CXorf58: variants seen among roughly 807,000 people sequenced by gnomAD.
The protein encoded by CXorf58 is chromosome X open reading frame 58.
Under a neutral mutation model 26.0 loss-of-function variants are expected in CXorf58, and 24 were observed. The observed-to-expected ratio is 0.92, with a 90% CI of 0.67 to 1.30. The LOEUF is 1.30. Ranked by LOEUF, CXorf58 falls within the 50% of genes most tolerant of loss-of-function variation. CXorf58 has a pLI of 0.00. For missense variants in CXorf58, 236 were observed against 263.9 expected, an observed-to-expected ratio of 0.89 and a Z score of 0.73; for synonymous variants, 87 against 86.1, an observed-to-expected ratio of 1.01 and a Z score of -0.06.
At chrX:23,926,756 C>A (rs747803319) in intron 5 of CXorf58, among the ~76,000 whole-genome samples, 2 of 112,557 alleles carry the variant, frequency 1.8e-5, no homozygotes, top group Non-Finnish European at 3.8e-5. Flanking sequence ...CGCGGTGGCT[C>A]ACGCCTATAA....
At chrX:23,924,542 C>T (rs944703767) in intron 5 of CXorf58, among the ~76,000 whole-genome samples, 3 of 109,401 alleles carry the variant, frequency 2.7e-5, no homozygotes, top group Non-Finnish European at 5.7e-5. Context: ...AGGCTGGAAT[C>T]GAACCCCTGA....
intron 1 of CXorf58, among the ~76,000 whole-genome samples, 178 bp downstream of exon 1, chrX:23,908,507 A>T (rs1927477456): frequency 8.9e-6 from 1 of 112,199 alleles, no homozygotes; most frequent in African/African-American, 3.2e-5. Context: ...CAACGGAAGT[A>T]GGTGGGCATG....
chrX:23,928,800 GTCTC>G (rs975910664), intron 6 of CXorf58, among the ~76,000 whole-genome samples: 2 of 110,634 alleles, frequency 1.8e-5, no homozygotes, highest in African/African-American at 6.6e-5. Flanking sequence ...TTCCCCTCTG[GTCTC>G]TCTATTTTCT....
At position 23,939,129 on chromosome X, in the gene CXorf58, TA is replaced by T. The variant is rs1928364023; in HGVS notation, c.940-109del. On this transcript the variant is annotated intron_variant, in intron 8 of 8. Coordinates refer to ENST00000379211, the MANE Select transcript of CXorf58 (RefSeq NM_152761.3). ...GTATTCATGTTATTACTTTGTAATT[TA>T]AAAAATCGCTGTGAATATTTTGAGA... 4.7e-5 allele frequency: 23 copies of T among 485,211 alleles called. No homozygotes were observed. In the South Asian group the frequency reaches 7.5e-4, roughly 16 times the overall value. The allele number at this position is 485,211 out of a possible 1,213,427, so 40.0% of individuals were successfully genotyped here.
At chrX:23,920,748 G>A (rs746078034) in intron 5 of CXorf58, among the ~76,000 whole-genome samples, 49 of 108,124 alleles carry the variant, frequency 4.5e-4, no homozygotes, top group African/African-American at 1.5e-3. Flanking sequence ...AAAATTAGCC[G>A]GGTGTGGTGG....
Position 23,938,553 on chromosome X carries a change from A to G in CXorf58, c.792A>G (p.Pro264=), listed in dbSNP as rs761586811. 14 of 1,159,301 alleles carry G rather than the reference A, an allele frequency of 1.2e-5. No homozygotes were observed. The South Asian group carries it at 2.7e-4, about 22-fold the overall frequency. The change falls in exon 8 of 9, where the codon CCA becomes CCG. Residue 264 remains proline (P), a synonymous_variant. Transcript: ENST00000379211. ...QLRIVSEIRG[P]YLTVQPLYRP... is the part of the protein sequence containing the mutation. ...TAATACAAACATTTTCTAGGGGTCC[A>G]TACTTAACTGTCCAACCTCTATATC...
At chrX:23,930,539 A>G (rs1928140543) in intron 6 of CXorf58, among the ~76,000 whole-genome samples, 1 of 100,127 alleles carries the variant, frequency 1.0e-5, no homozygotes, top group African/African-American at 3.6e-5. Context: ...CAGGAGACTG[A>G]GGTGGGAGGA....
chrX:23,932,480 G>A (rs886676669), intron 6 of CXorf58, among the ~76,000 whole-genome samples: 7 of 111,838 alleles, frequency 6.3e-5, no homozygotes, highest in African/African-American at 1.6e-4. Context: ...TTTCTTTGAC[G>A]GGGAATTCCC....
chrX:23,935,352 A>G lies in CXorf58; in HGVS notation c.712A>G (p.Met238Val). Residue 238 changes from methionine (M) to valine (V), a missense_variant, in exon 7 of 9, where the codon ATG becomes GTG. By Grantham distance (21) the Met-to-Val change is conservative. Coordinates refer to ENST00000379211, the MANE Select transcript of CXorf58 (RefSeq NM_152761.3). ...GATCTCAAACCGTCTACGAAATGAA[A>G]TGAAGTTTCTGTTACAGAGACCAGT... ...GVISNRLRNE[M>V]KFLLQRPVTQ... is the part of the protein sequence containing the mutation. The G allele has an allele frequency of 8.3e-7, 1 of 1,211,316 alleles. No individual in the cohort carries two copies. Among genetic ancestry groups the G allele is most frequent in the Non-Finnish European group, 1.1e-6 (1 of 894,939 alleles).
chrX:23,922,500 C>A (rs780876273), intron 5 of CXorf58, among the ~76,000 whole-genome samples: 1 of 112,091 alleles, frequency 8.9e-6, no homozygotes, highest in South Asian at 3.7e-4. Flanking sequence ...CTTAACCACT[C>A]CTGAGAGTTA....
chrX:23,911,953 C>CATTTT, intron 3 of CXorf58, 97 bp downstream of exon 3: 1 of 446,817 alleles, frequency 2.2e-6, no homozygotes, highest in East Asian at 4.8e-5. Context: ...TTTATCTCCT[C>CATTTT]TTTTTTTTTT....
intron 3 of CXorf58, among the ~76,000 whole-genome samples, chrX:23,912,250 C>G (rs751013089): frequency 9.0e-6 from 1 of 111,254 alleles, no homozygotes; most frequent in African/African-American, 3.3e-5. Context: ...CACGCCCGGC[C>G]CTTTCTTTAT....
At chrX:23,912,759 A>G (rs1927617736) in intron 3 of CXorf58, among the ~76,000 whole-genome samples, 1 of 111,744 alleles carries the variant, frequency 8.9e-6, no homozygotes, top group South Asian at 3.7e-4. Flanking sequence ...AAAGCTCTGA[A>G]TTAAAAGTTC....
At chrX:23,929,728 A>T (rs1928111092) in intron 6 of CXorf58, among the ~76,000 whole-genome samples, 2 of 112,379 alleles carry the variant, frequency 1.8e-5, no homozygotes, top group South Asian at 7.4e-4. Flanking sequence ...ATGTAGACAA[A>T]ATGGCCTTAT....
chrX:23,921,217 T>G (rs1927859404), intron 5 of CXorf58, among the ~76,000 whole-genome samples: 1 of 111,650 alleles, frequency 9.0e-6, no homozygotes, highest in South Asian at 3.7e-4. Context: ...AAATCACTGC[T>G]TATGCATTAA....
intron 5 of CXorf58, among the ~76,000 whole-genome samples, chrX:23,924,627 T>G (rs1336341123): frequency 4.7e-5 from 5 of 105,846 alleles, no homozygotes. Context: ...CCGGCCTATC[T>G]TTTCTTTAGT....
intron 7 of CXorf58, among the ~76,000 whole-genome samples, chrX:23,938,178 GC>G (rs769743813): frequency 9.0e-6 from 1 of 111,511 alleles, no homozygotes; most frequent in African/African-American, 3.3e-5. Flanking sequence ...ATGAGCCACT[GC>G]GCCTGGACGA....
intron 5 of CXorf58, among the ~76,000 whole-genome samples, chrX:23,917,661 G>A (rs868490024): frequency 1.8e-5 from 2 of 109,679 alleles, no homozygotes; most frequent in South Asian, 3.9e-4. Flanking sequence ...CAGGTGATTC[G>A]CCCGCCTCGG....
At chrX:23,915,875 G>C in intron 4 of CXorf58, 81 bp downstream of exon 4, 1 of 553,797 alleles carries the variant, frequency 1.8e-6, no homozygotes, top group Non-Finnish European at 2.9e-6. Context: ...TTAAATTCTT[G>C]TAACTTCTCA....
Sources: gnomAD v4.1 joint callset for allele counts (sites outside exome capture counted in the v4.1 genomes callset) on GRCh38, gnomAD v4.1.1 for gene constraint, MANE v1.5 for transcripts, NCBI Gene and HGNC (gene_info 2026-07-23, HGNC 2026-07-21) for gene names.